Variants in RNMT observed in about 807,000 individuals in gnomAD.
RNMT encodes RNA guanine-7 methyltransferase, also known as mRNA cap guanine-N(7) methyltransferase.
RNMT carries 27 observed loss-of-function variants against 56.0 expected under a neutral mutation model. The ratio of observed to expected loss-of-function variants is 0.48; its 90% confidence interval spans 0.36 to 0.67. The LOEUF is 0.67. Ranked by LOEUF, RNMT falls within the 30% of genes least tolerant of loss-of-function variation. RNMT has a pLI of 0.00. For missense variants in RNMT, 519 were observed against 552.1 expected (o/e 0.94, Z 0.60); for synonymous variants, 184 against 176.2 (o/e 1.04, Z -0.35).
In RNMT at chr18:13,761,689, A is replaced by G. The variant is rs1340775567; in HGVS notation, c.*1710A>G. On this transcript the variant is annotated 3_prime_UTR_variant, in exon 12 of 12. Transcript: ENST00000383314. ...ACAGAAAGGAGCAGAGAGCAAGATT[A>G]GATCTGAGAAGATGCTCTGGGGACT... The G allele has an allele frequency of 4.7e-6, 5 of 1,056,092 alleles. No individual in the cohort carries two copies. Among genetic ancestry groups the G allele is most frequent in the Non-Finnish European group, 5.7e-6 (5 of 874,096 alleles). The allele number at this position is 1,056,092 out of a possible 1,614,324, so 65.4% of individuals were successfully genotyped here.
intron 9 of RNMT, among the ~76,000 whole-genome samples, chr18:13,750,452 G>A (rs2044421991): frequency 6.6e-6 from 1 of 151,950 alleles, no homozygotes; most frequent in Non-Finnish European, 1.5e-5. Context: ...GTTCTTGGTG[G>A]TGATTAAATT....
Position 13,746,232 on chromosome 18 carries a change from G to A in RNMT, c.1152G>A (p.Lys384=), listed in dbSNP as rs2044349810. 6.7e-7 allele frequency: 1 copy of A among 1,493,118 alleles called. No individual in the cohort carries two copies. Among genetic ancestry groups the A allele is most frequent in the Non-Finnish European group, 9.2e-7 (1 of 1,087,746 alleles). The allele number at this position is 1,493,118 out of a possible 1,614,324, so 92.5% of individuals were successfully genotyped here. ...YFPLLNEMAK[K]YNMKLVYKKT... ...CTTTTTTGGACAGAATGGCAAAGAA[G>A]TACAATATGAAACTAGTCTACAAAA... The change falls in exon 9 of 12, where the codon AAG becomes AAA. Residue 384 remains lysine, a synonymous_variant. Transcript: ENST00000383314.
chr18:13,735,151 A>G (rs2044138020), intron 4 of RNMT, among the ~76,000 whole-genome samples: 1 of 152,222 alleles, frequency 6.6e-6, no homozygotes, highest in Non-Finnish European at 1.5e-5. Flanking sequence ...TAGTGCATTA[A>G]GTAGACTCTT....
intron 9 of RNMT, 37 bp from the exon 10 acceptor site, chr18:13,752,289 C>G (rs1335188297): frequency 7.9e-7 from 1 of 1,267,370 alleles, no homozygotes; most frequent in East Asian, 2.3e-5. Context: ...TTGTAAATTT[C>G]CGTTATTGTA....
rs1175654276 is a variant in RNMT, at chr18:13,762,092, A to G, written c.*2113A>G. 1 of 1,535,964 alleles carries G rather than the reference A, an allele frequency of 6.5e-7. No individual in the cohort carries two copies. The highest frequency in any genetic ancestry group is 2.0e-5 in the Admixed American group (1 of 50,978). ...ATGGCTTTCCACCGTCGGGCCAGGAAGAGCACCTGTTGCTGCAAGCTCAGT... is the reference window on the plus strand; with the variant it reads ...ATGGCTTTCCACCGTCGGGCCAGGAGGAGCACCTGTTGCTGCAAGCTCAGT... On this transcript the variant is annotated 3_prime_UTR_variant, in exon 12 of 12. Coordinates refer to ENST00000383314, the MANE Select transcript of RNMT (RefSeq NM_003799.3).
chr18:13,758,256 C>T (rs8085581), intron 11 of RNMT, among the ~76,000 whole-genome samples: 16,064 of 152,198 alleles, frequency 0.11, 934 homozygotes, highest in South Asian at 0.15. Flanking sequence ...ACAGGAGAGT[C>T]GCCCTGTCTT....
intron 9 of RNMT, 70 bp downstream of exon 9, chr18:13,746,407 C>G: frequency 3.5e-6 from 3 of 854,624 alleles, no homozygotes. Flanking sequence ...GAGATCCTTG[C>G]AAGGCCATCT....
intron 5 of RNMT, among the ~76,000 whole-genome samples, chr18:13,738,792 T>G (rs1441978329): frequency 6.6e-6 from 1 of 152,266 alleles, no homozygotes; most frequent in Admixed American, 6.5e-5. Context: ...ATTTTATTTT[T>G]GGCAACAAAT....
At chr18:13,746,991 AT>A (rs758103927) in intron 9 of RNMT, among the ~76,000 whole-genome samples, 16 of 152,150 alleles carry the variant, frequency 1.1e-4, no homozygotes, top group Non-Finnish European at 2.1e-4. Context: ...ACAGCCATTG[AT>A]TGTTTTTCCT....
At position 13,731,577 on chromosome 18, in the gene RNMT, G is replaced by C; in HGVS notation, c.60G>C (p.Ala20=). ...YEKMSLEQAK[A]SVNSETESSF... is the part of the protein sequence containing the mutation. ...AGATGTCTCTTGAACAGGCAAAAGC[G>C]TCAGTGAATTCTGAAACAGAGTCTT... The change falls in exon 3 of 12, where the codon GCG becomes GCC. Residue 20 remains alanine (A), a synonymous_variant. Coordinates refer to ENST00000383314, the MANE Select transcript of RNMT (RefSeq NM_003799.3). 1 of 1,612,872 alleles carries C rather than the reference G, an allele frequency of 6.2e-7. No individual in the cohort carries two copies. Among genetic ancestry groups the C allele is most frequent in the Non-Finnish European group, 8.5e-7 (1 of 1,179,710 alleles).
intron 11 of RNMT, among the ~76,000 whole-genome samples, chr18:13,754,717 T>C (rs1225210932): frequency 6.6e-6 from 1 of 152,244 alleles, no homozygotes; most frequent in Non-Finnish European, 1.5e-5. Flanking sequence ...TGTTACTAAG[T>C]AGCCATCTCC....
chr18:13,751,812 T>C (rs1365824871), intron 9 of RNMT, among the ~76,000 whole-genome samples: 2 of 152,152 alleles, frequency 1.3e-5, no homozygotes, highest in African/African-American at 2.4e-5. Flanking sequence ...GTTCATGTCC[T>C]TTGTAGGGAC....
intron 11 of RNMT, 98 bp from the exon 12 acceptor site, chr18:13,759,844 T>C: frequency 9.8e-7 from 1 of 1,023,330 alleles, no homozygotes; most frequent in Non-Finnish European, 1.5e-6. Flanking sequence ...AGAAGCTGCT[T>C]GAGAGCCTAA....
chr18:13,754,052 A>G (rs1037404684), intron 10 of RNMT, 62 bp from the exon 11 acceptor site: 7 of 899,070 alleles, frequency 7.8e-6, no homozygotes, highest in Non-Finnish European at 1.2e-5. Context: ...TTATTTAGAA[A>G]TAAGCATATG....
Sources: gnomAD v4.1 joint callset for allele counts (sites outside exome capture counted in the v4.1 genomes callset) on GRCh38, gnomAD v4.1.1 for gene constraint, MANE v1.5 for transcripts, NCBI Gene and HGNC (gene_info 2026-07-23, HGNC 2026-07-21) for gene names.